The following UBE3B variants were observed in gnomAD, a reference collection of about 807,000 sequenced individuals.
UBE3B encodes the protein ubiquitin-protein ligase E3B.
Under a neutral mutation model 132.3 loss-of-function variants are expected in UBE3B, and 80 were observed. The observed-to-expected ratio is 0.60, with a 90% CI of 0.50 to 0.73. UBE3B has a LOEUF of 0.73. Ranked by LOEUF, UBE3B falls within the 30% of genes least tolerant of loss-of-function variation. The pLI is 0.00. For synonymous variants in UBE3B, 487 were observed against 520.4 expected (o/e 0.94, Z 0.87); for missense variants, 1,196 against 1,362.5 (o/e 0.88, Z 1.92).
intron 18 of UBE3B, among the ~76,000 whole-genome samples, chr12:109,512,055 A>G (rs1880435242): frequency 6.6e-6 from 1 of 152,154 alleles, no homozygotes; most frequent in South Asian, 2.1e-4. Flanking sequence ...GGACTGGGAC[A>G]TGGCGGCGAG....
At chr12:109,543,374 G>A in the UBE3B span, among the ~76,000 whole-genome samples, 1 of 103,774 alleles carries the variant, frequency 9.6e-6, no homozygotes, top group Non-Finnish European at 2.1e-5. Context: ...TCGGCACGGG[G>A]TCAGCGGCTG....
downstream of UBE3B, among the ~76,000 whole-genome samples, chr12:109,541,306 G>A (rs1269582273): frequency 1.3e-5 from 2 of 152,328 alleles, no homozygotes; most frequent in South Asian, 2.1e-4. Flanking sequence ...GTGGACTAGT[G>A]GTCAAGGGCA....
In UBE3B at chr12:109,536,697, A is replaced by C. The variant is rs1454722535; in HGVS notation, c.*1915A>C. 1.3e-5 allele frequency: 2 copies of C among 152,186 alleles called. No homozygotes were observed. Among genetic ancestry groups the C allele is most frequent in the Non-Finnish European group, 1.5e-5 (1 of 68,034 alleles). The allele number at this position is 152,186 out of a possible 1,614,324, so 9.4% of individuals were successfully genotyped here. A position where few individuals can be genotyped will look rare whatever the true frequency, so the allele number is the denominator to read the frequency against. ...AAAGGCTTTATTAAATTTGTACTTC[A>C]GCATATGATGGCTGCGTTCTGCATT... On this transcript the variant is annotated 3_prime_UTR_variant, in exon 28 of 28. Transcript: ENST00000342494.
chr12:109,507,100 G>A (rs531327525), intron 14 of UBE3B, among the ~76,000 whole-genome samples: 7 of 152,290 alleles, frequency 4.6e-5, no homozygotes, highest in African/African-American at 1.7e-4. Context: ...TAACAGCAGA[G>A]ACCTTCTGGC....
chr12:109,510,093 C>G (rs1019666362), intron 16 of UBE3B, among the ~76,000 whole-genome samples: 2 of 152,180 alleles, frequency 1.3e-5, no homozygotes, highest in African/African-American at 4.8e-5. Flanking sequence ...GGACAAAGCT[C>G]CTTAGACTTA....
At chr12:109,487,809 C>T (rs1217846902) in intron 6 of UBE3B, among the ~76,000 whole-genome samples, 3 of 152,206 alleles carry the variant, frequency 2.0e-5, no homozygotes, top group Non-Finnish European at 2.9e-5. Flanking sequence ...TCATTTCCCA[C>T]GTGGCCTTGA....
In UBE3B at chr12:109,509,589, G is replaced by A; in HGVS notation, c.1623-7G>A. 6.3e-7 allele frequency: 1 copy of A among 1,579,988 alleles called. No individual in the cohort carries two copies. The highest frequency in any genetic ancestry group is 8.6e-7 in the Non-Finnish European group (1 of 1,165,456). On this transcript the variant is annotated splice_polypyrimidine_tract_variant and splice_region_variant and intron_variant, in intron 15 of 27. Coordinates refer to ENST00000342494, the MANE Select transcript of UBE3B (RefSeq NM_130466.4). Reference sequence around the variant, plus strand: ...TGGAATTGTGGGTAATTTTCTCTCTGATTTAGAATCCTTGATGACATTGAA... The same window carrying A: ...TGGAATTGTGGGTAATTTTCTCTCTAATTTAGAATCCTTGATGACATTGAA...
chr12:109,484,043 A>T, intron 4 of UBE3B, 62 bp downstream of exon 4: 1 of 1,514,824 alleles, frequency 6.6e-7, no homozygotes, highest in Non-Finnish European at 9.0e-7. Context: ...ATAATTATTG[A>T]TATTAACTCA....
Position 109,529,927 on chromosome 12 carries a change from C to T in UBE3B, c.2665C>T (p.His889Tyr). 6.2e-7 allele frequency: 1 copy of T among 1,614,218 alleles called. No homozygotes were observed. Among genetic ancestry groups the T allele is most frequent in the Non-Finnish European group, 8.5e-7 (1 of 1,180,044 alleles). ...CCATCTGATGGCACATTTTCGAATG[C>T]ACACTCAAATAAAAAACCAAACAGC... ...YIHLMAHFRM[H>Y]TQIKNQTAAL... The change falls in exon 25 of 28, where the codon CAC (histidine) becomes TAC (tyrosine). Residue 889 changes from histidine (H) to tyrosine (Y), a missense_variant. Physicochemically the swap from His to Tyr is moderately conservative, Grantham distance 83 (BLOSUM62 2). Coordinates refer to ENST00000342494, the MANE Select transcript of UBE3B (RefSeq NM_130466.4).
chr12:109,524,345 C>T (rs1209086138), intron 22 of UBE3B, 93 bp from the exon 23 acceptor site: 52 of 1,488,746 alleles, frequency 3.5e-5, no homozygotes, highest in Non-Finnish European at 3.7e-6. Flanking sequence ...ATGGGTGTTC[C>T]CAGCACCAAA....
intron 9 of UBE3B, among the ~76,000 whole-genome samples, chr12:109,496,201 C>T (rs1250319714): frequency 2.0e-5 from 3 of 152,144 alleles, no homozygotes; most frequent in African/African-American, 4.8e-5. Flanking sequence ...TTTCACTTTG[C>T]GTAATATAAT....
chr12:109,488,452 CTT>C, intron 6 of UBE3B, 118 bp from the exon 7 acceptor site: 1 of 899,912 alleles, frequency 1.1e-6, no homozygotes, highest in South Asian at 1.5e-5. Flanking sequence ...TTAAGACTGA[CTT>C]ATAATCCTGA....
rs764114695 is a variant in UBE3B at position 109,499,842 on chromosome 12, T to TG, written c.1118+33dup. On this transcript the variant is annotated intron_variant, in intron 12 of 27. Coordinates refer to ENST00000342494, the MANE Select transcript of UBE3B (RefSeq NM_130466.4). ...CCCAGATGCAAATCACTGTCTTTCC[T>TG]GCCTCTCTCCCACCATCTTCTTCTT... 5.9e-6 allele frequency: 9 copies of TG among 1,521,622 alleles called. No individual in the cohort carries two copies. The South Asian group carries it at 6.4e-5, about 11-fold the overall frequency. 94.3% of individuals were successfully genotyped at this position (1,521,622 alleles called of 1,614,324 possible).
At chr12:109,542,335 T>G in the UBE3B span, among the ~76,000 whole-genome samples, 1 of 152,216 alleles carries the variant, frequency 6.6e-6, no homozygotes, top group African/African-American at 2.4e-5. Flanking sequence ...CTGGCTTATG[T>G]CTTGTCTCAA....
chr12:109,520,917 G>A, intron 19 of UBE3B: 1 of 469,160 alleles, frequency 2.1e-6, no homozygotes, highest in Non-Finnish European at 3.8e-6. Context: ...TCCCCTTGAG[G>A]TCAGTCTCCC....
chr12:109,510,066 G>T (rs144602717), intron 16 of UBE3B, among the ~76,000 whole-genome samples: 52 of 152,276 alleles, frequency 3.4e-4, no homozygotes, highest in African/African-American at 1.2e-3. Flanking sequence ...ACCTCCCGAA[G>T]TGTCTCCAAT....
At chr12:109,539,618 G>C (rs1417152697), downstream of UBE3B, among the ~76,000 whole-genome samples, 1 of 152,230 alleles carries the variant, frequency 6.6e-6, no homozygotes, top group Non-Finnish European at 1.5e-5. Flanking sequence ...GCCCCAGTCT[G>C]TGCCATCTAT....
At chr12:109,513,671 G>A (rs1566100022) in intron 18 of UBE3B, among the ~76,000 whole-genome samples, 1 of 151,648 alleles carries the variant, frequency 6.6e-6, no homozygotes, top group South Asian at 2.1e-4. Flanking sequence ...TAAGTCCAGG[G>A]TATATAGTAA....
At chr12:109,542,223 C>T in the UBE3B span, among the ~76,000 whole-genome samples, 206 of 152,322 alleles carry the variant, frequency 1.4e-3, no homozygotes, top group African/African-American at 4.8e-3. Flanking sequence ...TCCTCCTCAC[C>T]CATGGCAGAC....
Sources: gnomAD v4.1 joint callset for allele counts (sites outside exome capture counted in the v4.1 genomes callset) on GRCh38, gnomAD v4.1.1 for gene constraint, MANE v1.5 for transcripts, NCBI Gene and HGNC (gene_info 2026-07-23, HGNC 2026-07-21) for gene names.